The following SNX9 variants were observed in gnomAD, a reference collection of about 807,000 sequenced individuals.
The protein encoded by SNX9 is sorting nexin-9.
A neutral mutation model predicts 89.4 loss-of-function variants in SNX9; 44 were observed. The observed-to-expected ratio is 0.49, with a 90% CI of 0.39 to 0.63. SNX9 has a LOEUF of 0.63. SNX9 is among the 30% of genes least tolerant of loss of function. SNX9 has a pLI of 0.00. For missense variants in SNX9, 578 were observed against 736.1 expected, an observed-to-expected ratio of 0.79 and a Z score of 2.49; for synonymous variants, 236 against 247.8, an observed-to-expected ratio of 0.95 and a Z score of 0.45.
intron 1 of SNX9, among the ~76,000 whole-genome samples, chr6:157,843,757 A>G (rs889028938): frequency 6.6e-6 from 1 of 152,174 alleles, no homozygotes; most frequent in African/African-American, 2.4e-5. Flanking sequence ...TCCATACTCA[A>G]TTCATTGCAA....
chr6:157,895,050 A>C (rs1172857883), intron 4 of SNX9, among the ~76,000 whole-genome samples: 1 of 152,248 alleles, frequency 6.6e-6, no homozygotes, highest in Non-Finnish European at 1.5e-5. Flanking sequence ...GTTTGGGGGC[A>C]AAGCGATACG....
intron 4 of SNX9, chr6:157,885,172 G>T (rs201264101): frequency 6.6e-6 from 1 of 152,044 alleles, no homozygotes; most frequent in East Asian, 1.9e-4. Context: ...GACATCTGTA[G>T]GTTCAGAATA....
At chr6:157,834,833 C>T (rs1435655704) in intron 1 of SNX9, among the ~76,000 whole-genome samples, 1 of 152,088 alleles carries the variant, frequency 6.6e-6, no homozygotes, top group Non-Finnish European at 1.5e-5. Flanking sequence ...AAAGTTGAAC[C>T]AGATTAGTCT....
chr6:157,839,933 G>C (rs1781661913), intron 1 of SNX9, among the ~76,000 whole-genome samples: 1 of 152,194 alleles, frequency 6.6e-6, no homozygotes, highest in Non-Finnish European at 1.5e-5. Flanking sequence ...GTGATACATA[G>C]CTGTTTGGAT....
intron 1 of SNX9, among the ~76,000 whole-genome samples, chr6:157,848,816 T>C (rs1220010358): frequency 2.6e-5 from 4 of 152,186 alleles, no homozygotes; most frequent in Non-Finnish European, 2.9e-5. Context: ...AGGCCGTCCA[T>C]GGGAGGGATA....
chr6:157,905,598 T>A (rs1783194409), intron 6 of SNX9, among the ~76,000 whole-genome samples: 1 of 150,972 alleles, frequency 6.6e-6, no homozygotes, highest in Admixed American at 6.6e-5. Context: ...TAAAGAGACT[T>A]GTTTTCCGCT....
intron 9 of SNX9, among the ~76,000 whole-genome samples, chr6:157,919,223 T>C (rs1328738660): frequency 1.3e-5 from 2 of 152,198 alleles, no homozygotes; most frequent in Admixed American, 6.5e-5. Context: ...CTGGCTCCAT[T>C]GTGTCAGAAA....
chr6:157,840,420 T>TTTCTTTCTTTCCTTTCC (rs199981713), intron 1 of SNX9, among the ~76,000 whole-genome samples: 25 of 118,666 alleles, frequency 2.1e-4, no homozygotes, highest in African/African-American at 7.9e-4. Flanking sequence ...TCTTTCTTTC[T>TTTCTTTCTTTCCTTTCC]TTTCTTTCTT....
Position 157,937,520 on chromosome 6 carries a change from C to G in SNX9, c.1530C>G (p.His510Gln). 6.2e-7 allele frequency: 1 copy of G among 1,611,470 alleles called. No individual in the cohort carries two copies. ...GCTTCCCTGACATCATTGGCACTCA[C>G]AAGGTAACCTGATCGTAGACATTTA... Reference protein sequence around the residue: ...LGCFPDIIGTHKGAIEKVKES... With the variant: ...LGCFPDIIGTQKGAIEKVKES... Residue 510 changes from histidine to glutamine, a missense_variant, in exon 15 of 18, where the codon CAC (histidine) becomes CAG (glutamine). By Grantham distance (24) the His-to-Gln change is conservative. Around this residue, in one of 2 missense-constraint regions of SNX9, gnomAD observed 348 missense variants for 491.4 expected, o/e 0.71. Coordinates refer to ENST00000392185, the MANE Select transcript of SNX9 (RefSeq NM_016224.5).
chr6:157,897,204 A>T (rs1359455380), intron 5 of SNX9, among the ~76,000 whole-genome samples: 1 of 152,134 alleles, frequency 6.6e-6, no homozygotes, highest in Non-Finnish European at 1.5e-5. Flanking sequence ...GACACTGTCT[A>T]CCTGGAGTCA....
chr6:157,914,469 C>CTTTTTTTTTTTTTTT lies in SNX9; in HGVS notation c.949+4453_949+4467dup, dbSNP rs34419515. On this transcript the variant is annotated intron_variant, in intron 9 of 17. Coordinates refer to ENST00000392185, the MANE Select transcript of SNX9 (RefSeq NM_016224.5). ...TGGCTTGGCTTGTCATTTTCTTTTT[C>CTTTTTTTTTTTTTTT]TTTTTTTTTTTTTTTTTTTTTTTGG... Among the ~76,000 whole-genome samples the CTTTTTTTTTTTTTTT allele has an allele frequency of 3.5e-4, 26 of 75,104 alleles. 1 individual carries two copies. The highest frequency in any genetic ancestry group is 1.1e-3 in the African/African-American group (19 of 17,716). The allele number at this position is 75,104 out of a possible 152,430, so 49.3% of individuals were successfully genotyped here.
intron 10 of SNX9, among the ~76,000 whole-genome samples, chr6:157,922,895 G>A (rs571899822): frequency 3.9e-5 from 6 of 152,310 alleles, no homozygotes; most frequent in Non-Finnish European, 7.4e-5. Flanking sequence ...GGGTTACTTT[G>A]TAGTTACAGA....
chr6:157,890,488 G>A (rs1220654889), intron 4 of SNX9, among the ~76,000 whole-genome samples: 5 of 152,212 alleles, frequency 3.3e-5, no homozygotes, highest in Admixed American at 6.5e-5. Flanking sequence ...CAAATTGTTA[G>A]TATATTGCTC....
chr6:157,889,974 G>A (rs1040159672), intron 4 of SNX9, among the ~76,000 whole-genome samples: 1 of 152,090 alleles, frequency 6.6e-6, no homozygotes, highest in Non-Finnish European at 1.5e-5. Context: ...ATAAGTGTGG[G>A]GACTAAGAGA....
chr6:157,826,864 A>ATTATAGTTTATATAATATATAAATATACT (rs1781363903), intron 1 of SNX9, among the ~76,000 whole-genome samples: 1 of 119,156 alleles, frequency 8.4e-6, no homozygotes, highest in South Asian at 2.2e-4. Context: ...ATAAATATAT[A>ATTATAGTTTATATAATATATAAATATACT]TTATAGTTTA....
At chr6:157,914,439 A>T (rs1166762869) in intron 9 of SNX9, among the ~76,000 whole-genome samples, 8 of 147,566 alleles carry the variant, frequency 5.4e-5, no homozygotes, top group African/African-American at 2.0e-4. Context: ...AACTTGTCGC[A>T]GCTGTGGCTT....
chr6:157,908,354 A>G (rs922422540), intron 7 of SNX9, among the ~76,000 whole-genome samples: 1 of 152,156 alleles, frequency 6.6e-6, no homozygotes, highest in African/African-American at 2.4e-5. Flanking sequence ...TTTACAGTCC[A>G]TGTGTTTGTT....
At chr6:157,869,252 C>G (rs2115135979) in intron 2 of SNX9, among the ~76,000 whole-genome samples, 1 of 152,286 alleles carries the variant, frequency 6.6e-6, no homozygotes, top group South Asian at 2.1e-4. Context: ...CATTTCTTTA[C>G]ACTATGCGGT....
rs561478093 is a variant in SNX9, at chr6:157,831,315, G to A, written c.12+7869G>A. ...TTGTATCCTTCCAGGGAGGATTTGTGTGTGCTGATACCAGTCTCCTGGGGA... is the reference window on the plus strand; with the variant it reads ...TTGTATCCTTCCAGGGAGGATTTGTATGTGCTGATACCAGTCTCCTGGGGA... On this transcript the variant is annotated intron_variant, in intron 1 of 17. Coordinates refer to ENST00000392185, the MANE Select transcript of SNX9 (RefSeq NM_016224.5). Among the ~76,000 whole-genome samples the A allele has an allele frequency of 3.3e-5, 5 of 152,296 alleles. No homozygotes were observed. The South Asian group carries it at 1.0e-3, about 32-fold the overall frequency.
Sources: allele counts gnomAD v4.1 joint callset (sites outside exome capture counted in the v4.1 genomes callset), GRCh38; gene constraint gnomAD v4.1.1; regional missense constraint gnomAD v4.1.1; transcripts MANE v1.5; gene names NCBI Gene and HGNC (gene_info 2026-07-23, HGNC 2026-07-21).